Variants in RPSA2 observed in about 807,000 individuals in gnomAD.
RPSA2 encodes small ribosomal subunit protein uS2B.
the RPSA2 span, among the ~76,000 whole-genome samples, chr19:23,776,650 A>G: frequency 6.6e-6 from 1 of 152,034 alleles, no homozygotes; most frequent in South Asian, 2.1e-4. Context: ...ATCTTGTGAC[A>G]TATTGCTAGG....
the RPSA2 span, among the ~76,000 whole-genome samples, chr19:23,844,383 A>G: frequency 6.6e-6 from 1 of 152,072 alleles, no homozygotes; most frequent in Non-Finnish European, 1.5e-5. Context: ...ATAATAAACT[A>G]TTTTTTTGGG....
the RPSA2 span, among the ~76,000 whole-genome samples, chr19:23,860,754 G>A: frequency 6.6e-6 from 1 of 152,140 alleles, no homozygotes; most frequent in Non-Finnish European, 1.5e-5. Flanking sequence ...AAATACAGAA[G>A]ATAAGTCAGT....
At chr19:23,826,529 A>T in the RPSA2 span, among the ~76,000 whole-genome samples, 2 of 150,862 alleles carry the variant, frequency 1.3e-5, no homozygotes, top group Non-Finnish European at 1.5e-5. Context: ...TGCAAACACC[A>T]CTCTGTTTTT....
At chr19:23,865,333 T>A in the RPSA2 span, among the ~76,000 whole-genome samples, 1 of 152,202 alleles carries the variant, frequency 6.6e-6, no homozygotes, top group Non-Finnish European at 1.5e-5. Flanking sequence ...TTAGCTAAAC[T>A]TCTGCAGGAG....
chr19:23,831,278 A>T, the RPSA2 span, among the ~76,000 whole-genome samples: 1 of 152,194 alleles, frequency 6.6e-6, no homozygotes, highest in African/African-American at 2.4e-5. Flanking sequence ...AGAAACCAAG[A>T]GTTAGGAATT....
At chr19:23,863,651 C>T in the RPSA2 span, among the ~76,000 whole-genome samples, 4 of 151,048 alleles carry the variant, frequency 2.6e-5, no homozygotes, top group Non-Finnish European at 4.4e-5. Context: ...GACTTGATTT[C>T]TGTTTATTTA....
chr19:23,848,214 T>G, the RPSA2 span, among the ~76,000 whole-genome samples: 1 of 152,204 alleles, frequency 6.6e-6, no homozygotes, highest in Admixed American at 6.5e-5. Flanking sequence ...CCATGAAATC[T>G]TCACAATTTA....
At chr19:23,766,324 T>C in the RPSA2 span, among the ~76,000 whole-genome samples, 14 of 150,832 alleles carry the variant, frequency 9.3e-5, no homozygotes, top group Admixed American at 6.0e-4. Context: ...AGCCTCAGAG[T>C]GTACCCTTTA....
the RPSA2 span, among the ~76,000 whole-genome samples, chr19:23,781,492 C>T: frequency 6.6e-6 from 1 of 151,864 alleles, no homozygotes; most frequent in African/African-American, 2.4e-5. Flanking sequence ...ATGCCCACCA[C>T]CACACAGGCT....
At chr19:23,766,546 C>T in the RPSA2 span, among the ~76,000 whole-genome samples, 5 of 151,068 alleles carry the variant, frequency 3.3e-5, no homozygotes, top group African/African-American at 1.2e-4. Flanking sequence ...GCTCCGCCTC[C>T]CGGGTTCACG....
chr19:23,806,036 C>CTTCTTTCT, the RPSA2 span, among the ~76,000 whole-genome samples: 1 of 96,384 alleles, frequency 1.0e-5, no homozygotes, highest in Admixed American at 1.3e-4. Context: ...TCTATCTATC[C>CTTCTTTCT]TTCTTTCTTT....
At chr19:23,865,811 C>G in the RPSA2 span, among the ~76,000 whole-genome samples, 1 of 152,152 alleles carries the variant, frequency 6.6e-6, no homozygotes, top group Non-Finnish European at 1.5e-5. Flanking sequence ...GACATGAACA[C>G]ACTCTTGTAG....
the RPSA2 span, among the ~76,000 whole-genome samples, chr19:23,843,964 G>A: frequency 6.6e-6 from 1 of 152,084 alleles, no homozygotes; most frequent in East Asian, 1.9e-4. Context: ...TCTTCATGTT[G>A]TCCAGCCTGG....
chr19:23,807,558 T>C, the RPSA2 span, among the ~76,000 whole-genome samples: 3 of 152,338 alleles, frequency 2.0e-5, no homozygotes, highest in South Asian at 6.2e-4. Flanking sequence ...ATGTGCATGT[T>C]AGTGTCTATG....
chr19:23,850,965 T>C, the RPSA2 span, among the ~76,000 whole-genome samples: 28 of 152,326 alleles, frequency 1.8e-4, no homozygotes, highest in African/African-American at 6.3e-4. Flanking sequence ...TCTGGTAATA[T>C]GGGAAATTCC....
chr19:23,765,488 G>T, the RPSA2 span, among the ~76,000 whole-genome samples: 2 of 152,214 alleles, frequency 1.3e-5, no homozygotes, highest in East Asian at 3.9e-4. Flanking sequence ...TCCATTGCAG[G>T]AATGTGGATG....
the RPSA2 span, among the ~76,000 whole-genome samples, chr19:23,868,844 G>A: frequency 2.8e-4 from 43 of 152,200 alleles, no homozygotes; most frequent in Non-Finnish European, 4.6e-4. Context: ...CCATGGGCCC[G>A]GTCCCTCTGG....
the RPSA2 span, among the ~76,000 whole-genome samples, chr19:23,781,181 G>A: frequency 6.6e-6 from 1 of 152,034 alleles, no homozygotes; most frequent in Admixed American, 6.6e-5. Context: ...CACCATGTTG[G>A]CCAGACTGGT....
the RPSA2 span, among the ~76,000 whole-genome samples, chr19:23,838,789 T>C: frequency 6.6e-6 from 1 of 152,146 alleles, no homozygotes; most frequent in African/African-American, 2.4e-5. Flanking sequence ...GTGTCAGTTA[T>C]AATATTCTTT....
Sources: allele counts gnomAD v4.1 joint callset (sites outside exome capture counted in the v4.1 genomes callset), GRCh38; gene constraint gnomAD v4.1.1; transcripts MANE v1.5; gene names NCBI Gene and HGNC (gene_info 2026-07-23, HGNC 2026-07-21).